The following AK9 variants were observed in gnomAD, a reference collection of about 807,000 sequenced individuals.
AK9 encodes the protein adenylate kinase 9.
Under a neutral mutation model 239.6 loss-of-function variants are expected in AK9, and 191 were observed. The ratio of observed to expected loss-of-function variants is 0.80; its 90% CI spans 0.71 to 0.90. AK9 has a LOEUF of 0.90. Among genes scored for constraint, AK9 ranks in the 40% least tolerant of loss-of-function variants. The probability of loss-of-function intolerance (pLI) is 0.00; values close to 1 mark genes in which losing one functional copy is unlikely to be tolerated. For synonymous variants in AK9, 689 were observed against 721.0 expected (o/e 0.96, Z 0.71); for missense variants, 1,995 against 2,214.7 (o/e 0.90, Z 1.99).
rs1339165385 is a variant in AK9, at chr6:109,585,957, AT to A, written c.1957del (p.Ile653TyrfsTer35). The A allele has an allele frequency of 6.4e-7, 1 of 1,551,244 alleles. No homozygotes were observed. The highest frequency in any genetic ancestry group is 2.4e-5 in the East Asian group (1 of 40,884). ...TGATAAATAGATGACCAAATCAGGT[AT>A]AATTCCTTTCTTGATTAAGGCCATC... ...LWMALIKKGIIPDLVIYLSDT... is the reference protein window; with the variant it reads ...LWMALIKKGIXPDLVIYLSDT... On this transcript the variant is annotated frameshift_variant, in exon 18 of 41. Coordinates refer to ENST00000424296, the MANE Select transcript of AK9 (RefSeq NM_001145128.3). LOFTEE classifies it high-confidence loss of function.
intron 38 of AK9, among the ~76,000 whole-genome samples, 191 bp downstream of exon 38, chr6:109,497,274 C>G (rs1409237947): frequency 6.6e-6 from 1 of 151,500 alleles, no homozygotes; most frequent in African/African-American, 2.4e-5. Context: ...ACCAGGCACT[C>G]AAAATCCATC....
chr6:109,574,247 C>T (rs539573795), intron 20 of AK9, among the ~76,000 whole-genome samples: 1 of 152,024 alleles, frequency 6.6e-6, no homozygotes, highest in Non-Finnish European at 1.5e-5. Flanking sequence ...TGGTGGCACA[C>T]ACCTGTAGCC....
chr6:109,499,734 G>A, intron 35 of AK9, among the ~76,000 whole-genome samples: 1 of 152,048 alleles, frequency 6.6e-6, no homozygotes, highest in Non-Finnish European at 1.5e-5. Context: ...AAGTAGCTAG[G>A]ATTACAGATG....
At chr6:109,514,577 T>C (rs1290720733) in intron 31 of AK9, 140 bp from the exon 32 acceptor site, 1 of 749,622 alleles carries the variant, frequency 1.3e-6, no homozygotes, top group South Asian at 2.0e-5. Context: ...TAATCAAAGG[T>C]TAATATTAAA....
intron 20 of AK9, among the ~76,000 whole-genome samples, chr6:109,576,110 C>T (rs1413285855): frequency 6.6e-6 from 1 of 151,926 alleles, no homozygotes; most frequent in African/African-American, 2.4e-5. Context: ...TAATGTGATG[C>T]CTATAGATTT....
At chr6:109,690,927 CTG>C (rs1443040766) in intron 1 of AK9, among the ~76,000 whole-genome samples, 3 of 152,126 alleles carry the variant, frequency 2.0e-5, no homozygotes, top group Non-Finnish European at 4.4e-5. Context: ...GAGGGGAAAA[CTG>C]ACACTCAGTG....
At chr6:109,585,787 G>T in intron 18 of AK9, 129 bp downstream of exon 18, 2 of 862,288 alleles carry the variant, frequency 2.3e-6, no homozygotes, top group Non-Finnish European at 3.4e-6. Context: ...TGTACCTCTA[G>T]TTCCTGCAGG....
chr6:109,541,861 G>C (rs1180515189), intron 27 of AK9, among the ~76,000 whole-genome samples, 186 bp downstream of exon 27: 1 of 152,100 alleles, frequency 6.6e-6, no homozygotes, highest in African/African-American at 2.4e-5. Flanking sequence ...TTTGGTGTGG[G>C]GTCCTGCAAT....
At chr6:109,549,664 CTTTTTTTTT>C (rs1196364045) in intron 25 of AK9, 1 of 122,098 alleles carries the variant, frequency 8.2e-6, no homozygotes, top group African/African-American at 3.0e-5. Flanking sequence ...TAGATATTTT[CTTTTTTTTT>C]TTTTTTTTTT....
intron 5 of AK9, among the ~76,000 whole-genome samples, chr6:109,667,621 CA>C: frequency 6.6e-6 from 1 of 150,488 alleles, no homozygotes; most frequent in Middle Eastern, 3.4e-3. Context: ...TCTCATTGTT[CA>C]ATTCCCACCT....
intron 3 of AK9, among the ~76,000 whole-genome samples, chr6:109,673,073 G>A (rs936524886): frequency 6.6e-6 from 1 of 152,230 alleles, no homozygotes; most frequent in Non-Finnish European, 1.5e-5. Context: ...AGGAATGACA[G>A]GGGCATGACC....
Position 109,591,644 on chromosome 6 carries a change from T to C in AK9, c.1843-5572A>G, listed in dbSNP as rs73519215. Among the ~76,000 whole-genome samples the C allele has an allele frequency of 6.2e-3, 951 of 152,312 alleles. 16 individuals carry two copies. Among genetic ancestry groups the C allele is most frequent in the African/African-American group, 0.022 (904 of 41,560 alleles). On this transcript the variant is annotated intron_variant, in intron 17 of 40. Coordinates refer to ENST00000424296, the MANE Select transcript of AK9 (RefSeq NM_001145128.3). ...AGAGGTCTTATACTTGCAAAGAGTT[T>C]AATACTTTCATGTGTTTTTATGATG...
intron 6 of AK9, 143 bp downstream of exon 6, chr6:109,662,408 A>G (rs1800552280): frequency 4.7e-6 from 3 of 635,828 alleles, no homozygotes; most frequent in Non-Finnish European, 6.6e-6. Context: ...GCACAGAACT[A>G]TGAGAAGTAT....
chr6:109,546,220 C>T (rs1783553038), intron 25 of AK9, 93 bp from the exon 26 acceptor site: 1 of 1,175,602 alleles, frequency 8.5e-7, no homozygotes, highest in Non-Finnish European at 1.2e-6. Context: ...GACTTATTAA[C>T]TGCCCTCCCT....
At chr6:109,648,876 C>T (rs1798494942) in intron 8 of AK9, among the ~76,000 whole-genome samples, 2 of 152,272 alleles carry the variant, frequency 1.3e-5, no homozygotes, top group Middle Eastern at 6.8e-3. Context: ...AGCAGCACAT[C>T]AAAAAGTTTA....
intron 27 of AK9, among the ~76,000 whole-genome samples, chr6:109,536,357 C>G (rs1210245152): frequency 4.6e-5 from 7 of 152,084 alleles, no homozygotes; most frequent in Non-Finnish European, 7.4e-5. Flanking sequence ...GTATTTTATT[C>G]TCTTTGAAGC....
At chr6:109,501,473 A>G (rs1445840083) in intron 35 of AK9, among the ~76,000 whole-genome samples, 1 of 152,216 alleles carries the variant, frequency 6.6e-6, no homozygotes, top group African/African-American at 2.4e-5. Context: ...GGAGAGGGGG[A>G]AAGGAACATA....
Position 109,614,464 on chromosome 6 carries a change from T to C in AK9, c.1416A>G (p.Arg472=), listed in dbSNP as rs983112581. ...TTTTTTCATATTGCCTTTGAAATTC[T>C]CTTAAAGCTGTTTCAGCTGAAATAT... The part of the protein sequence containing the change: ...QARKQAETAL[R]EFQRQYEKME... Residue 472 remains arginine (R), a synonymous_variant, in exon 14 of 41, where the codon AGA becomes AGG. Coordinates refer to ENST00000424296, the MANE Select transcript of AK9 (RefSeq NM_001145128.3). 3.9e-6 allele frequency: 6 copies of C among 1,551,070 alleles called. No homozygotes were observed. The highest frequency in any genetic ancestry group is 3.9e-5 in the Admixed American group (2 of 50,974).
At chr6:109,526,279 C>T (rs561228051) in intron 29 of AK9, among the ~76,000 whole-genome samples, 176 of 151,764 alleles carry the variant, frequency 1.2e-3, no homozygotes, top group African/African-American at 4.1e-3. Flanking sequence ...ACCCTCTGAA[C>T]CTAAAATACA....
Sources: gnomAD v4.1 joint callset for allele counts (sites outside exome capture counted in the v4.1 genomes callset) on GRCh38, gnomAD v4.1.1 for gene constraint, MANE v1.5 for transcripts, NCBI Gene and HGNC (gene_info 2026-07-23, HGNC 2026-07-21) for gene names.